Variants in EXT1 observed in about 807,000 individuals in gnomAD.
The protein encoded by EXT1 is exostosin-1.
EXT1 carries 20 observed loss-of-function variants against 82.5 expected under a neutral mutation model. That is an observed-to-expected ratio of 0.24 (90% CI 0.17 to 0.35). The LOEUF is 0.35. Among genes scored for constraint, EXT1 ranks in the 10% least tolerant of loss-of-function variants. The pLI, the probability that EXT1 is intolerant of heterozygous loss-of-function variation, is 1.00. For missense variants in EXT1, 757 were observed against 936.5 expected (o/e 0.81, Z 2.50); for synonymous variants, 348 against 350.8 (o/e 0.99, Z 0.09).
intron 1 of EXT1, among the ~76,000 whole-genome samples, chr8:118,040,366 G>A (rs1164059408): frequency 6.6e-6 from 1 of 152,116 alleles, no homozygotes; most frequent in Non-Finnish European, 1.5e-5. Flanking sequence ...GAAATTTGAG[G>A]TATCTGTTTG....
At chr8:118,082,362 C>T (rs1209362546) in intron 1 of EXT1, among the ~76,000 whole-genome samples, 2 of 152,146 alleles carry the variant, frequency 1.3e-5, no homozygotes, top group Non-Finnish European at 2.9e-5. Context: ...AAGCATTGTT[C>T]TTCACATCTG....
intron 1 of EXT1, among the ~76,000 whole-genome samples, chr8:117,897,816 T>A (rs1305437525): frequency 0.018 from 2,312 of 131,766 alleles, no homozygotes; most frequent in East Asian, 0.024. Context: ...TTGCCCAGGC[T>A]GGTTTTGAAC....
chr8:117,833,533 TA>T (rs1309559397), intron 3 of EXT1, among the ~76,000 whole-genome samples: 1 of 151,796 alleles, frequency 6.6e-6, no homozygotes, highest in Admixed American at 6.6e-5. Flanking sequence ...AAGAATCGCT[TA>T]AACCCGGGAG....
In EXT1 at chr8:117,799,998, C is replaced by T. The variant is rs927195652; in HGVS notation, c.2056-101G>A. The T allele has an allele frequency of 3.9e-6, 5 of 1,293,938 alleles. No homozygotes were observed. The Admixed American group carries it at 7.8e-5, about 20-fold the overall frequency. 80.2% of individuals were successfully genotyped at this position (1,293,938 alleles called of 1,614,324 possible). On this transcript the variant is annotated intron_variant, in intron 10 of 10. Transcript: ENST00000378204. ...TCAGGCAAATGAGCAAGCAGCAAAG[C>T]TTGGGGTCTGGCCCGGCCACCAAGT...
At chr8:117,896,456 A>G (rs774647921) in intron 1 of EXT1, among the ~76,000 whole-genome samples, 1 of 152,198 alleles carries the variant, frequency 6.6e-6, no homozygotes, top group African/African-American at 2.4e-5. Context: ...GTGTATATGG[A>G]GCAAAAGGAG....
At chr8:118,002,851 GACT>G (rs1815701085) in intron 1 of EXT1, among the ~76,000 whole-genome samples, 1 of 151,974 alleles carries the variant, frequency 6.6e-6, no homozygotes, top group Admixed American at 6.6e-5. Context: ...CTAAAAGTAG[GACT>G]ACTATTTGAT....
chr8:117,841,211 C>T (rs1006859697), intron 1 of EXT1, among the ~76,000 whole-genome samples: 2 of 152,164 alleles, frequency 1.3e-5, no homozygotes, highest in African/African-American at 4.8e-5. Context: ...GTGGTACATC[C>T]ATAGCCTACA....
intron 1 of EXT1, among the ~76,000 whole-genome samples, chr8:117,974,665 TTG>T (rs1220077400): frequency 1.3e-5 from 2 of 152,118 alleles, no homozygotes; most frequent in Non-Finnish European, 2.9e-5. Flanking sequence ...CAGGGTTTCA[TTG>T]TGTTGCCCAG....
chr8:117,926,046 A>C (rs546756149), intron 1 of EXT1, among the ~76,000 whole-genome samples: 107 of 152,358 alleles, frequency 7.0e-4, no homozygotes, highest in Admixed American at 3.3e-3. Flanking sequence ...CCTCTAGTCT[A>C]AAATCAAGTC....
intron 1 of EXT1, among the ~76,000 whole-genome samples, chr8:118,013,910 G>T (rs930044152): frequency 6.6e-6 from 1 of 152,136 alleles, no homozygotes; most frequent in African/African-American, 2.4e-5. Context: ...CTACCTTGAT[G>T]CAGTAAAAAG....
At position 117,896,048 on chromosome 8, in the gene EXT1, A is replaced by T. The variant is rs142610507; in HGVS notation, c.963-58847T>A. Among the ~76,000 whole-genome samples the T allele has an allele frequency of 7.2e-3, 1,101 of 152,350 alleles. 6 individuals are homozygous for T. The highest frequency in any genetic ancestry group is 0.012 in the Non-Finnish European group (811 of 68,034). Reference sequence around the variant, plus strand: ...AAAACGTAGAGAAGGTCATGCATGTATATTTTACCTGGAACCTCACAAGAA... The same window carrying T: ...AAAACGTAGAGAAGGTCATGCATGTTTATTTTACCTGGAACCTCACAAGAA... On this transcript the variant is annotated intron_variant, in intron 1 of 10. Coordinates refer to ENST00000378204, the MANE Select transcript of EXT1 (RefSeq NM_000127.3).
chr8:117,821,022 C>G (rs1811916376), intron 5 of EXT1, among the ~76,000 whole-genome samples: 1 of 152,134 alleles, frequency 6.6e-6, no homozygotes, highest in Non-Finnish European at 1.5e-5. Flanking sequence ...TAAGAACTCA[C>G]TAAGAAATTA....
At chr8:117,829,908 T>C (rs1177687693) in intron 4 of EXT1, among the ~76,000 whole-genome samples, 1 of 152,084 alleles carries the variant, frequency 6.6e-6, no homozygotes, top group Non-Finnish European at 1.5e-5. Flanking sequence ...CAGAAATATG[T>C]CTTCGAAGGA....
chr8:117,962,417 C>T (rs539920943), intron 1 of EXT1, among the ~76,000 whole-genome samples: 2 of 151,888 alleles, frequency 1.3e-5, no homozygotes, highest in Non-Finnish European at 2.9e-5. Flanking sequence ...TTGAGACCAG[C>T]CTGGGCAACA....
chr8:117,928,047 T>C (rs1433567739), intron 1 of EXT1, among the ~76,000 whole-genome samples: 1 of 152,236 alleles, frequency 6.6e-6, no homozygotes, highest in Non-Finnish European at 1.5e-5. Context: ...TTCCTCCTTA[T>C]TGAACAGGCC....
At chr8:118,000,810 G>A (rs764384854) in intron 1 of EXT1, among the ~76,000 whole-genome samples, 5 of 152,122 alleles carry the variant, frequency 3.3e-5, no homozygotes, top group Non-Finnish European at 7.3e-5. Context: ...TTATCTCCAC[G>A]AGAGAAAGAA....
chr8:117,902,566 C>T (rs1043459779), intron 1 of EXT1, among the ~76,000 whole-genome samples: 1 of 143,350 alleles, frequency 7.0e-6, no homozygotes, highest in African/African-American at 2.6e-5. Flanking sequence ...TCATTGTTGA[C>T]TTGGCCATGC....
intron 1 of EXT1, among the ~76,000 whole-genome samples, chr8:118,009,175 T>A (rs1200090342): frequency 6.6e-6 from 1 of 152,130 alleles, no homozygotes; most frequent in Non-Finnish European, 1.5e-5. Flanking sequence ...GAGTCCTATC[T>A]GGTGAAAGGG....
At chr8:118,063,885 G>A (rs1488990441) in intron 1 of EXT1, among the ~76,000 whole-genome samples, 2 of 144,508 alleles carry the variant, frequency 1.4e-5, no homozygotes, top group Non-Finnish European at 2.9e-5. Flanking sequence ...TTTATTTATT[G>A]AGACGGAGTC....
Sources: gnomAD v4.1 joint callset for allele counts (sites outside exome capture counted in the v4.1 genomes callset) on GRCh38, gnomAD v4.1.1 for gene constraint, MANE v1.5 for transcripts, NCBI Gene and HGNC (gene_info 2026-07-23, HGNC 2026-07-21) for gene names.